FASTKD1: variants seen among roughly 807,000 people sequenced by gnomAD.
The protein encoded by FASTKD1 is FAST kinase domain-containing protein 1, mitochondrial.
Under a neutral mutation model 90.9 loss-of-function variants are expected in FASTKD1, and 94 were observed. That is an observed-to-expected ratio of 1.03 (90% CI 0.88 to 1.23). The LOEUF is 1.23. Ranked by LOEUF, FASTKD1 falls within the 50% of genes most tolerant of loss-of-function variation. The pLI, the probability that FASTKD1 is intolerant of heterozygous loss-of-function variation, is 0.00. For missense variants in FASTKD1, 945 were observed against 993.5 expected, an observed-to-expected ratio of 0.95 and a Z score of 0.66; for synonymous variants, 319 against 345.8, an observed-to-expected ratio of 0.92 and a Z score of 0.86.
intron 2 of FASTKD1, among the ~76,000 whole-genome samples, chr2:169,569,754 G>C (rs952711360): frequency 6.6e-6 from 1 of 152,064 alleles, no homozygotes; most frequent in African/African-American, 2.4e-5. Context: ...AGGAGGCTAC[G>C]GCAGGAAAAT....
chr2:169,546,498 G>A lies in FASTKD1; in HGVS notation c.1421C>T (p.Ala474Val), dbSNP rs540349050. 55 of 1,614,006 alleles carry A rather than the reference G, an allele frequency of 3.4e-5. No individual in the cohort carries two copies. The East Asian group carries it at 6.2e-4, about 18-fold the overall frequency. ...TTTTTGAAGTAGTTTCAGTTGTTTC[G>A]CAGTCATATTATCCAAATACATGTG... ...HDHMYLDNMT[A>V]KQLKLLQKLD... The change falls in exon 8 of 15, where the codon GCG becomes GTG. Residue 474 changes from alanine to valine, a missense_variant. Coordinates refer to ENST00000453153, the MANE Select transcript of FASTKD1 (RefSeq NM_024622.6).
chr2:169,529,191 C>G lies in FASTKD1; in HGVS notation c.*634G>C, dbSNP rs1465600337. ...AAAACAAACTTGTGATCAACCCCCA[C>G]CACCTGCCCCCCATCTTGCTCTTCC... On this transcript the variant is annotated 3_prime_UTR_variant, in exon 15 of 15. Transcript: ENST00000453153. Among the ~76,000 whole-genome samples the G allele has an allele frequency of 6.6e-6, 1 of 151,712 alleles. No homozygotes were observed. Among genetic ancestry groups the G allele is most frequent in the African/African-American group, 2.4e-5 (1 of 41,264 alleles).
chr2:169,564,946 A>ATTT (rs151140092), intron 3 of FASTKD1, among the ~76,000 whole-genome samples: 5 of 130,934 alleles, frequency 3.8e-5, no homozygotes, highest in East Asian at 2.3e-4. Flanking sequence ...TATATACCAC[A>ATTT]TTTTTCTTTT....
chr2:169,555,772 T>G (rs982289910), intron 6 of FASTKD1, among the ~76,000 whole-genome samples: 1 of 152,214 alleles, frequency 6.6e-6, no homozygotes, highest in Non-Finnish European at 1.5e-5. Context: ...ATTAAGCATA[T>G]GTAAAAATGT....
intron 12 of FASTKD1, among the ~76,000 whole-genome samples, chr2:169,533,829 C>T (rs538678374): frequency 3.3e-5 from 5 of 152,064 alleles, no homozygotes; most frequent in African/African-American, 1.2e-4. Context: ...AAATGTGTCC[C>T]CCAAAATTCA....
intron 7 of FASTKD1, among the ~76,000 whole-genome samples, chr2:169,548,345 G>A (rs1266427624): frequency 6.6e-6 from 1 of 150,966 alleles, no homozygotes; most frequent in Non-Finnish European, 1.5e-5. Flanking sequence ...AAAGAAACAG[G>A]ACATAGTTGA....
chr2:169,529,811 A>C lies in FASTKD1; in HGVS notation c.*14T>G. Reference sequence around the variant, plus strand: ...CCAAATGTAACACACGATAACATTCATTTTAAATAAAAACTACAAACATGA... The same window carrying C: ...CCAAATGTAACACACGATAACATTCCTTTTAAATAAAAACTACAAACATGA... On this transcript the variant is annotated 3_prime_UTR_variant, in exon 15 of 15. Transcript: ENST00000453153. The C allele has an allele frequency of 6.4e-7, 1 of 1,567,250 alleles. No individual in the cohort carries two copies. The highest frequency in any genetic ancestry group is 8.7e-7 in the Non-Finnish European group (1 of 1,145,150).
intron 12 of FASTKD1, among the ~76,000 whole-genome samples, chr2:169,536,110 A>G (rs1684712883): frequency 3.3e-5 from 5 of 152,308 alleles, no homozygotes; most frequent in Middle Eastern, 3.4e-3. Flanking sequence ...CCCTGTCTCT[A>G]TAAAAAAATT....
At position 169,529,585 on chromosome 2, in the gene FASTKD1, T is replaced by C. The variant is rs1684387808; in HGVS notation, c.*240A>G. On this transcript the variant is annotated 3_prime_UTR_variant, in exon 15 of 15. Coordinates refer to ENST00000453153, the MANE Select transcript of FASTKD1 (RefSeq NM_024622.6). ...TTGAAAAGCCCCCAATGGCTTCTCA[T>C]CTCGCTCAGAGTAGCCAAGAGGTTG... Among the ~76,000 whole-genome samples the C allele has an allele frequency of 6.6e-6, 1 of 152,208 alleles. No homozygotes were observed. Among genetic ancestry groups the C allele is most frequent in the African/African-American group, 2.4e-5 (1 of 41,450 alleles).
In FASTKD1 at chr2:169,554,525, GTGGTGGT is replaced by G. The variant is rs1345492706; in HGVS notation, c.1214+592_1214+598del. Among the ~76,000 whole-genome samples, 697 of 139,300 alleles carry G rather than the reference GTGGTGGT, an allele frequency of 5.0e-3. 54 individuals are homozygous for G. The highest frequency in any genetic ancestry group is 7.3e-3 in the Non-Finnish European group (446 of 61,456). The allele number at this position is 139,300 out of a possible 152,430, so 91.4% of individuals were successfully genotyped here. On this transcript the variant is annotated intron_variant, in intron 7 of 14. Coordinates refer to ENST00000453153, the MANE Select transcript of FASTKD1 (RefSeq NM_024622.6). ...CTAAAATTACAAAAATTAACAGGGT[GTGGTGGT>G]ATGTGCCTGTATTCCCAGCTACTCG...
In FASTKD1 at chr2:169,562,094, G is replaced by T. The variant is rs1347840352; in HGVS notation, c.572+1131C>A. On this transcript the variant is annotated intron_variant, in intron 4 of 14. Coordinates refer to ENST00000453153, the MANE Select transcript of FASTKD1 (RefSeq NM_024622.6). ...TAAAATAATTATTTATTAATTTATTGTAAAATAATTATTTATTAATTTATT... is the reference window on the plus strand; with the variant it reads ...TAAAATAATTATTTATTAATTTATTTTAAAATAATTATTTATTAATTTATT... Among the ~76,000 whole-genome samples, 9 of 130,866 alleles carry T rather than the reference G, an allele frequency of 6.9e-5. 3 individuals carry two copies. The highest frequency in any genetic ancestry group is 4.3e-4 in the East Asian group (2 of 4,636). 85.9% of individuals were successfully genotyped at this position (130,866 alleles called of 152,430 possible).
intron 7 of FASTKD1, among the ~76,000 whole-genome samples, chr2:169,549,182 G>A (rs1300263876): frequency 6.6e-6 from 1 of 152,124 alleles, no homozygotes; most frequent in Non-Finnish European, 1.5e-5. Context: ...ATTACCTGAG[G>A]TCGGGAGTTC....
chr2:169,535,438 C>CTATTTATT (rs888692142), intron 12 of FASTKD1, among the ~76,000 whole-genome samples: 2 of 134,994 alleles, frequency 1.5e-5, no homozygotes, highest in African/African-American at 5.6e-5. Context: ...ACCATGCCTG[C>CTATTTATT]TATTTATTTA....
intron 14 of FASTKD1, 30 bp from the exon 15 acceptor site, chr2:169,529,956 A>G (rs1380073435): frequency 1.3e-6 from 2 of 1,493,920 alleles, no homozygotes; most frequent in Non-Finnish European, 1.9e-6. Context: ...TTTGAATGAA[A>G]GTTTTAAAGC....
At chr2:169,545,524 T>C (rs1479225858) in intron 8 of FASTKD1, among the ~76,000 whole-genome samples, 7 of 152,226 alleles carry the variant, frequency 4.6e-5, no homozygotes, top group Non-Finnish European at 1.5e-5. Context: ...TGCCCTGATA[T>C]ATTTATGATA....
At chr2:169,539,067 A>C (rs889429067) in intron 10 of FASTKD1, among the ~76,000 whole-genome samples, 1 of 151,930 alleles carries the variant, frequency 6.6e-6, no homozygotes, top group Non-Finnish European at 1.5e-5. Flanking sequence ...CAGGAGTTCA[A>C]CACCAACCTG....
intron 4 of FASTKD1, among the ~76,000 whole-genome samples, chr2:169,561,990 G>T (rs1470099971): frequency 1.7e-5 from 2 of 115,448 alleles, no homozygotes; most frequent in Non-Finnish European, 3.4e-5. Flanking sequence ...TTAATTTATT[G>T]TAAATTAATT....
At chr2:169,551,517 C>T (rs186351671) in intron 7 of FASTKD1, among the ~76,000 whole-genome samples, 17 of 152,258 alleles carry the variant, frequency 1.1e-4, no homozygotes, top group African/African-American at 3.6e-4. Flanking sequence ...ATCACACTGA[C>T]CAGGCGCAGT....
chr2:169,530,907 C>G (rs1684451837), intron 13 of FASTKD1: 1 of 699,768 alleles, frequency 1.4e-6, no homozygotes, highest in Admixed American at 1.9e-5. Context: ...TATTTGTCTG[C>G]TTTCATCCAT....
Sources: gnomAD v4.1 joint callset for allele counts (sites outside exome capture counted in the v4.1 genomes callset) on GRCh38, gnomAD v4.1.1 for gene constraint, MANE v1.5 for transcripts, NCBI Gene and HGNC (gene_info 2026-07-23, HGNC 2026-07-21) for gene names.